The following SGCD variants were observed in gnomAD, a reference collection of about 807,000 sequenced individuals.
SGCD encodes the protein delta-sarcoglycan.
A neutral mutation model predicts 36.6 loss-of-function variants in SGCD; 18 were observed. The ratio of observed to expected loss-of-function variants is 0.49; its 90% confidence interval spans 0.34 to 0.73. SGCD has a LOEUF of 0.73. Ranked by LOEUF, SGCD falls within the 30% of genes least tolerant of loss-of-function variation. The pLI is 0.01. For missense variants in SGCD, 387 were observed against 346.7 expected (o/e 1.12, Z -0.92); for synonymous variants, 133 against 130.6 (o/e 1.02, Z -0.12).
intron 3 of SGCD, among the ~76,000 whole-genome samples, chr5:156,366,252 C>T (rs1192380013): frequency 6.6e-6 from 1 of 152,088 alleles, no homozygotes; most frequent in Non-Finnish European, 1.5e-5. Context: ...ATCCTGAGCA[C>T]TTGAAGAAAG....
intron 6 of SGCD, among the ~76,000 whole-genome samples, chr5:156,600,388 A>G (rs1761143469): frequency 6.6e-6 from 1 of 152,108 alleles, no homozygotes; most frequent in Non-Finnish European, 1.5e-5. Flanking sequence ...AACTTTTTTA[A>G]AATTCCACAT....
At chr5:155,792,296 C>T in the SGCD span, among the ~76,000 whole-genome samples, 1 of 151,768 alleles carries the variant, frequency 6.6e-6, no homozygotes, top group African/African-American at 2.4e-5. Flanking sequence ...CAATAAAAAT[C>T]CTGGAAGAAA....
chr5:156,274,061 G>C (rs1766252779), intron 3 of SGCD, among the ~76,000 whole-genome samples: 1 of 151,936 alleles, frequency 6.6e-6, no homozygotes. Flanking sequence ...CTCTGTGTGG[G>C]GATAATACTG....
intron 1 of SGCD, among the ~76,000 whole-genome samples, chr5:155,946,415 C>T (rs965636900): frequency 6.6e-6 from 1 of 152,002 alleles, no homozygotes; most frequent in Non-Finnish European, 1.5e-5. Context: ...CAAGTCTTTT[C>T]TGTTTGTACT....
chr5:155,921,034 C>T (rs1170918207), intron 1 of SGCD, among the ~76,000 whole-genome samples: 1 of 152,084 alleles, frequency 6.6e-6, no homozygotes, highest in East Asian at 1.9e-4. Flanking sequence ...AGAACAGGGC[C>T]TTGGGCAATA....
At chr5:155,879,930 A>G (rs1193594586) in intron 1 of SGCD, among the ~76,000 whole-genome samples, 3 of 152,154 alleles carry the variant, frequency 2.0e-5, no homozygotes, top group Admixed American at 2.0e-4. Context: ...ATAGTAAGAA[A>G]GACAAAAAGA....
the SGCD span, among the ~76,000 whole-genome samples, chr5:155,817,234 C>T: frequency 6.6e-6 from 1 of 152,058 alleles, no homozygotes. Flanking sequence ...TACTGCTGTA[C>T]ATACAATATG....
intron 3 of SGCD, among the ~76,000 whole-genome samples, chr5:156,448,941 G>T (rs1753871782): frequency 6.6e-6 from 1 of 151,658 alleles, no homozygotes; most frequent in Admixed American, 6.6e-5. Context: ...TTTTAGTAAA[G>T]ACTGTTTTTA....
intron 7 of SGCD, among the ~76,000 whole-genome samples, chr5:156,747,953 T>C (rs1757007379): frequency 6.6e-6 from 1 of 152,186 alleles, no homozygotes; most frequent in African/African-American, 2.4e-5. Flanking sequence ...TTCATAGTAC[T>C]TTCTACAAAA....
chr5:156,648,577 G>A (rs1403085370), intron 7 of SGCD, among the ~76,000 whole-genome samples: 2 of 151,988 alleles, frequency 1.3e-5, no homozygotes, highest in Non-Finnish European at 2.9e-5. Context: ...AAATAAATTG[G>A]GCCAAAGGAA....
Position 156,338,615 on chromosome 5 carries a change from G to A in SGCD, c.4-5874G>A, listed in dbSNP as rs558313221. Among the ~76,000 whole-genome samples, 116 of 152,202 alleles carry A rather than the reference G, an allele frequency of 7.6e-4. 1 individual carries two copies. Among genetic ancestry groups the A allele is most frequent in the African/African-American group, 2.6e-3 (108 of 41,536 alleles). On this transcript the variant is annotated intron_variant, in intron 2 of 8. Coordinates refer to ENST00000337851, the MANE Select transcript of SGCD (RefSeq NM_000337.6). The stretch of plus-strand genomic sequence containing the variant: ...GCAGACTTATCACTTTGAAGCTCAC[G>A]TAGCTTCCTTAATTAGATGGACAAT...
At chr5:156,541,577 T>G (rs974491194) in intron 4 of SGCD, among the ~76,000 whole-genome samples, 57 of 152,112 alleles carry the variant, frequency 3.7e-4, no homozygotes, top group African/African-American at 1.4e-3. Flanking sequence ...TAAACAAATG[T>G]GTGTTAGTCT....
At chr5:156,203,541 C>A (rs1306663272) in intron 3 of SGCD, among the ~76,000 whole-genome samples, 1 of 152,088 alleles carries the variant, frequency 6.6e-6, no homozygotes. Flanking sequence ...TTCATTTATT[C>A]TTTCATCCCA....
chr5:156,546,404 A>T (rs183633526), intron 4 of SGCD, among the ~76,000 whole-genome samples: 4 of 152,204 alleles, frequency 2.6e-5, no homozygotes, highest in Admixed American at 2.6e-4. Flanking sequence ...AGGTATGTAG[A>T]TGTGTGCACA....
intron 3 of SGCD, among the ~76,000 whole-genome samples, chr5:156,490,483 A>G (rs948708056): frequency 2.8e-4 from 16 of 56,616 alleles, no homozygotes; most frequent in African/African-American, 1.2e-4. Context: ...CGAATGTAAC[A>G]TATCAAAAAA....
At chr5:155,895,935 A>C (rs1756241565) in intron 1 of SGCD, among the ~76,000 whole-genome samples, 2 of 152,238 alleles carry the variant, frequency 1.3e-5, no homozygotes, top group Non-Finnish European at 2.9e-5. Flanking sequence ...GAGAGAAGTG[A>C]CCTGCAACCG....
At chr5:155,876,163 A>G (rs949493020) in intron 1 of SGCD, among the ~76,000 whole-genome samples, 1 of 149,834 alleles carries the variant, frequency 6.7e-6, no homozygotes, top group Non-Finnish European at 1.5e-5. Flanking sequence ...CTCATCATCT[A>G]GCATTAGGTA....
chr5:156,179,190 A>T (rs541450502), intron 3 of SGCD, among the ~76,000 whole-genome samples: 48 of 151,996 alleles, frequency 3.2e-4, no homozygotes, highest in Non-Finnish European at 5.9e-4. Flanking sequence ...AACATTTTCT[A>T]TGTACTTTTG....
At chr5:156,458,399 G>C (rs1310490935) in intron 3 of SGCD, 1 of 1,580,696 alleles carries the variant, frequency 6.3e-7, no homozygotes, top group African/African-American at 1.3e-5. Context: ...AAAACTTACT[G>C]TTGATGTGAT....
Sources: gnomAD v4.1 joint callset for allele counts (sites outside exome capture counted in the v4.1 genomes callset) on GRCh38, gnomAD v4.1.1 for gene constraint, MANE v1.5 for transcripts, NCBI Gene and HGNC (gene_info 2026-07-23, HGNC 2026-07-21) for gene names.